SMAP1: variants seen among roughly 807,000 people sequenced by gnomAD.
SMAP1 encodes the protein stromal membrane-associated protein 1.
In SMAP1, 24 loss-of-function variants were observed where a neutral mutation model predicts 58.5. The observed-to-expected ratio is 0.41, with a 90% CI of 0.30 to 0.58. The LOEUF (loss-of-function observed/expected upper bound fraction) is 0.58. Among genes scored for constraint, SMAP1 ranks in the 20% least tolerant of loss-of-function variants. The pLI is 0.29. For synonymous variants in SMAP1, 216 were observed against 196.6 expected (o/e 1.10, Z -0.82); for missense variants, 563 against 566.3 (o/e 0.99, Z 0.06).
intron 1 of SMAP1, among the ~76,000 whole-genome samples, chr6:70,702,012 A>G (rs973593371): frequency 3.3e-5 from 5 of 152,108 alleles, no homozygotes; most frequent in Admixed American, 1.3e-4. Flanking sequence ...CGTTGACAGT[A>G]TTTTACTTTC....
chr6:70,782,033 C>T (rs549227175), intron 4 of SMAP1, among the ~76,000 whole-genome samples: 3 of 152,186 alleles, frequency 2.0e-5, no homozygotes, highest in South Asian at 2.1e-4. Context: ...ATTTCTACTG[C>T]GTATTATCTC....
At chr6:70,771,521 C>T (rs1767310089) in intron 3 of SMAP1, among the ~76,000 whole-genome samples, 1 of 152,184 alleles carries the variant, frequency 6.6e-6, no homozygotes, top group South Asian at 2.1e-4. Context: ...TGCCAGCAAT[C>T]AGCAAGACTC....
At chr6:70,801,126 TACC>T (rs1768831038) in intron 6 of SMAP1, among the ~76,000 whole-genome samples, 1 of 152,236 alleles carries the variant, frequency 6.6e-6, no homozygotes, top group Non-Finnish European at 1.5e-5. Context: ...TAATTTATAC[TACC>T]ACCAACAGTG....
At chr6:70,758,841 C>T (rs189863513) in intron 3 of SMAP1, among the ~76,000 whole-genome samples, 170 of 152,148 alleles carry the variant, frequency 1.1e-3, no homozygotes, top group Middle Eastern at 3.4e-3. Flanking sequence ...AAAGCTTATT[C>T]ACTGGGAGAA....
chr6:70,822,158 C>G (rs1470227500), intron 6 of SMAP1, among the ~76,000 whole-genome samples: 2 of 152,042 alleles, frequency 1.3e-5, no homozygotes, highest in Admixed American at 1.3e-4. Flanking sequence ...GGTAGTTTTA[C>G]TAAGTTAAAG....
chr6:70,793,673 A>AGAGAGAGAGAGAGAGAG (rs1768467436), intron 5 of SMAP1, among the ~76,000 whole-genome samples: 1 of 149,602 alleles, frequency 6.7e-6, no homozygotes, highest in Non-Finnish European at 1.5e-5. Flanking sequence ...AGAGAGAGAG[A>AGAGAGAGAGAGAGAGAG]AAGCTTAAAA....
chr6:70,771,943 G>A (rs903872470), intron 3 of SMAP1, among the ~76,000 whole-genome samples: 5 of 152,172 alleles, frequency 3.3e-5, no homozygotes, highest in African/African-American at 1.2e-4. Context: ...CCAGGTTAGG[G>A]TTGCTGGTGG....
chr6:70,801,042 A>G (rs1470866944), intron 6 of SMAP1, among the ~76,000 whole-genome samples: 2 of 152,180 alleles, frequency 1.3e-5, no homozygotes, highest in African/African-American at 4.8e-5. Flanking sequence ...CAGTAATGGG[A>G]TGGCTGGGTC....
Position 70,860,942 on chromosome 6 carries a change from T to TTATC in SMAP1, c.*610_*613dup. On this transcript the variant is annotated 3_prime_UTR_variant, in exon 11 of 11. Transcript: ENST00000370455. ...AATGAATGCTTAAAGAATTCAAATT[T>TTATC]TATCTGCCTCTCTTGTAATTTGGAT... The TTATC allele has an allele frequency of 8.2e-6, 3 of 367,288 alleles. No homozygotes were observed. The highest frequency in any genetic ancestry group is 7.1e-4 in the Middle Eastern group (1 of 1,406). 22.8% of individuals were successfully genotyped at this position (367,288 alleles called of 1,614,324 possible).
At chr6:70,722,056 T>C (rs1459054143) in intron 1 of SMAP1, among the ~76,000 whole-genome samples, 8 of 152,220 alleles carry the variant, frequency 5.3e-5, no homozygotes. Flanking sequence ...CATTGATATC[T>C]ATAGAACTTA....
At chr6:70,791,361 C>A (rs1331380451) in intron 4 of SMAP1, among the ~76,000 whole-genome samples, 2 of 152,076 alleles carry the variant, frequency 1.3e-5, no homozygotes, top group Admixed American at 1.3e-4. Context: ...TCAATAGTCA[C>A]GTCGACTAAA....
chr6:70,821,071 C>CCT (rs111407900), intron 6 of SMAP1, among the ~76,000 whole-genome samples: 1 of 152,000 alleles, frequency 6.6e-6, no homozygotes, highest in South Asian at 2.1e-4. Context: ...ATTTCCCCCC[C>CCT]TCCCTGCCCC....
At chr6:70,695,509 C>T (rs1321534504) in intron 1 of SMAP1, among the ~76,000 whole-genome samples, 1 of 152,062 alleles carries the variant, frequency 6.6e-6, no homozygotes, top group Non-Finnish European at 1.5e-5. Flanking sequence ...TGAATTTTAT[C>T]AGAATCTTTT....
At chr6:70,792,343 G>A (rs202244260) in intron 5 of SMAP1, among the ~76,000 whole-genome samples, 2 of 91,152 alleles carry the variant, frequency 2.2e-5, no homozygotes, top group African/African-American at 8.2e-5. Flanking sequence ...TTTTTTTTTT[G>A]TTACATTGGC....
chr6:70,758,296 C>T (rs1398036570), intron 3 of SMAP1, among the ~76,000 whole-genome samples: 1 of 148,698 alleles, frequency 6.7e-6, no homozygotes, highest in Non-Finnish European at 1.5e-5. Flanking sequence ...TGCATATTCT[C>T]ACTTATAGGT....
intron 6 of SMAP1, among the ~76,000 whole-genome samples, chr6:70,806,306 T>G (rs1348879066): frequency 6.6e-6 from 1 of 152,210 alleles, no homozygotes; most frequent in Non-Finnish European, 1.5e-5. Context: ...GCGTGGGACC[T>G]GCCAAGCCAG....
At chr6:70,732,273 G>A (rs1765460812) in intron 1 of SMAP1, 105 bp from the exon 2 acceptor site, 1 of 1,246,982 alleles carries the variant, frequency 8.0e-7, no homozygotes, top group Non-Finnish European at 1.1e-6. Flanking sequence ...ACTTCTGTAA[G>A]CTTCCATTAT....
At chr6:70,743,492 A>G (rs764129329) in intron 2 of SMAP1, among the ~76,000 whole-genome samples, 4 of 152,226 alleles carry the variant, frequency 2.6e-5, no homozygotes, top group Non-Finnish European at 5.9e-5. Flanking sequence ...GTGTTAGAAT[A>G]TTATTTAATC....
intron 6 of SMAP1, among the ~76,000 whole-genome samples, chr6:70,835,939 G>A (rs1292344380): frequency 2.6e-5 from 4 of 152,026 alleles, no homozygotes; most frequent in East Asian, 1.9e-4. Context: ...CTATGACTTC[G>A]GCTCCTGAGA....
Sources: gnomAD v4.1 joint callset for allele counts (sites outside exome capture counted in the v4.1 genomes callset) on GRCh38, gnomAD v4.1.1 for gene constraint, MANE v1.5 for transcripts, NCBI Gene and HGNC (gene_info 2026-07-23, HGNC 2026-07-21) for gene names.